The following CHM variants were observed in gnomAD, a reference collection of about 807,000 sequenced individuals.
CHM encodes CHM Rab escort protein, also known as rab proteins geranylgeranyltransferase component A 1.
A neutral mutation model predicts 49.0 loss-of-function variants in CHM; 10 were observed. The ratio of observed to expected loss-of-function variants is 0.20; its 90% CI spans 0.13 to 0.35. The LOEUF is 0.35. CHM is among the 10% of genes least tolerant of loss of function. CHM has a pLI of 1.00. For synonymous variants in CHM, 184 were observed against 167.5 expected (o/e 1.10, Z -0.76); for missense variants, 455 against 478.4 (o/e 0.95, Z 0.46).
At chrX:85,999,446 T>C (rs1414499730) in intron 2 of CHM, among the ~76,000 whole-genome samples, 2 of 111,213 alleles carry the variant, frequency 1.8e-5, no homozygotes, top group East Asian at 2.8e-4. Context: ...GAAGGTAGTA[T>C]ATAACAGAAC....
chrX:85,928,537 G>A (rs1035335537), intron 8 of CHM, among the ~76,000 whole-genome samples: 23 of 111,215 alleles, frequency 2.1e-4, no homozygotes, highest in African/African-American at 6.9e-4. Context: ...GCAAGACTCC[G>A]TTTCAAAAAA....
At chrX:85,970,292 T>C in intron 4 of CHM, 1 of 751,844 alleles carries the variant, frequency 1.3e-6, no homozygotes, top group Non-Finnish European at 1.6e-6. Context: ...TCCCATAGCT[T>C]CCTAACACTG....
intron 1 of CHM, among the ~76,000 whole-genome samples, chrX:86,030,003 A>G (rs2147794517): frequency 9.0e-6 from 1 of 111,695 alleles, no homozygotes; most frequent in East Asian, 2.8e-4. Flanking sequence ...ACATAAACCT[A>G]TTTTCACCAG....
chrX:85,985,680 A>T (rs1931865691), intron 2 of CHM, among the ~76,000 whole-genome samples: 2 of 112,217 alleles, frequency 1.8e-5, no homozygotes, highest in African/African-American at 6.5e-5. Context: ...ACAAGTCCAC[A>T]TCTTCCTCGG....
At chrX:85,980,403 TC>T (rs1931527255) in intron 3 of CHM, among the ~76,000 whole-genome samples, 1 of 112,474 alleles carries the variant, frequency 8.9e-6, no homozygotes, top group Non-Finnish European at 1.9e-5. Flanking sequence ...TGCTTGTTTC[TC>T]TATACTCATT....
intron 5 of CHM, 45 bp downstream of exon 5, chrX:85,963,605 ACTGGGTTTATGGGCC>A (rs1205751017): frequency 9.9e-7 from 1 of 1,005,549 alleles, no homozygotes; most frequent in Non-Finnish European, 1.4e-6. Flanking sequence ...AATTACAAAA[ACTGGGTTTATGGGCC>A]CAGATACTGT....
At chrX:85,975,969 A>G (rs1040560268) in intron 4 of CHM, among the ~76,000 whole-genome samples, 4 of 112,416 alleles carry the variant, frequency 3.6e-5, no homozygotes, top group African/African-American at 1.3e-4. Context: ...GATCTACTAT[A>G]TAGTGATACT....
intron 4 of CHM, among the ~76,000 whole-genome samples, chrX:85,976,902 A>T (rs1451764999): frequency 1.8e-5 from 2 of 110,274 alleles, no homozygotes; most frequent in African/African-American, 6.6e-5. Context: ...ACACACACAC[A>T]CACACACACA....
At chrX:85,930,226 GA>G (rs1298526336) in intron 8 of CHM, among the ~76,000 whole-genome samples, 1 of 112,115 alleles carries the variant, frequency 8.9e-6, no homozygotes, top group African/African-American at 3.2e-5. Flanking sequence ...GGCTATCAAA[GA>G]ATGTTAGAAA....
intron 12 of CHM, among the ~76,000 whole-genome samples, chrX:85,888,018 G>C (rs1181414587): frequency 2.7e-5 from 3 of 112,370 alleles, no homozygotes; most frequent in African/African-American, 9.7e-5. Flanking sequence ...TTCCTGAGGA[G>C]AAATTCAAGC....
At chrX:85,999,701 C>T (rs1202922735) in intron 2 of CHM, among the ~76,000 whole-genome samples, 1 of 111,827 alleles carries the variant, frequency 8.9e-6, no homozygotes, top group African/African-American at 3.2e-5. Flanking sequence ...GTGTCCGCAG[C>T]TCATTAATAT....
chrX:85,890,739 G>C (rs1925391358), intron 12 of CHM, among the ~76,000 whole-genome samples: 1 of 111,677 alleles, frequency 9.0e-6, no homozygotes, highest in Non-Finnish European at 1.9e-5. Flanking sequence ...GACGAATACA[G>C]TAAATCAGTC....
intron 12 of CHM, among the ~76,000 whole-genome samples, chrX:85,888,846 C>G (rs1925262511): frequency 8.9e-6 from 1 of 112,068 alleles, no homozygotes; most frequent in African/African-American, 3.2e-5. Flanking sequence ...AATGGCATAA[C>G]CAAAATCACT....
At chrX:85,994,601 T>C (rs766687158) in intron 2 of CHM, among the ~76,000 whole-genome samples, 1 of 111,629 alleles carries the variant, frequency 9.0e-6, no homozygotes, top group Non-Finnish European at 1.9e-5. Flanking sequence ...TCTATTTTCA[T>C]TAATAGGAAA....
intron 8 of CHM, among the ~76,000 whole-genome samples, chrX:85,923,001 C>T (rs760428676): frequency 2.7e-5 from 3 of 111,798 alleles, no homozygotes; most frequent in South Asian, 3.8e-4. Context: ...CAGTGATCAC[C>T]AAAATCAAAA....
chrX:85,873,249 T>C (rs1460203594), intron 13 of CHM, 37 bp from the exon 14 acceptor site: 1 of 998,080 alleles, frequency 1.0e-6, no homozygotes, highest in Non-Finnish European at 1.4e-6. Context: ...CATTCTAAAA[T>C]ACAATATGTT....
intron 1 of CHM, among the ~76,000 whole-genome samples, chrX:86,041,101 T>C (rs766026644): frequency 1.5e-4 from 17 of 111,654 alleles, no homozygotes; most frequent in Non-Finnish European, 3.8e-5. Context: ...TGGGCTGCCA[T>C]ATTTGAATTT....
intron 2 of CHM, among the ~76,000 whole-genome samples, chrX:85,990,298 T>C (rs974434176): frequency 8.9e-6 from 1 of 111,764 alleles, no homozygotes; most frequent in Admixed American, 9.5e-5. Flanking sequence ...TGAGAACTTA[T>C]GAACACAAAG....
chrX:85,887,836 T>A (rs1197389797), intron 12 of CHM, among the ~76,000 whole-genome samples: 1 of 111,250 alleles, frequency 9.0e-6, no homozygotes, highest in Non-Finnish European at 1.9e-5. Flanking sequence ...TCCGTGGAAC[T>A]CTGAACTTAA....
Sources: allele counts gnomAD v4.1 joint callset (sites outside exome capture counted in the v4.1 genomes callset), GRCh38; gene constraint gnomAD v4.1.1; transcripts MANE v1.5; gene names NCBI Gene and HGNC (gene_info 2026-07-23, HGNC 2026-07-21).